LINGO1: variants seen among roughly 807,000 people sequenced by gnomAD.
LINGO1 encodes the protein leucine-rich repeat and immunoglobulin-like domain-containing nogo receptor-interacting protein 1.
LINGO1 carries 11 observed loss-of-function variants against 37.3 expected under a neutral mutation model. The ratio of observed to expected loss-of-function variants is 0.29; its 90% CI spans 0.19 to 0.49. The LOEUF (loss-of-function observed/expected upper bound fraction) is 0.49, where lower values mean the gene tolerates loss of function less well. Among genes scored for constraint, LINGO1 ranks in the 20% least tolerant of loss-of-function variants. The probability of loss-of-function intolerance (pLI) is 0.99; values close to 1 mark genes in which losing one functional copy is unlikely to be tolerated. For synonymous variants in LINGO1, 387 were observed against 403.0 expected (o/e 0.96, Z 0.48); for missense variants, 585 against 878.2 (o/e 0.67, Z 4.22).
chr15:77,614,395 G>T lies in LINGO1; in HGVS notation c.1512C>A (p.Gly504=). ...TYLCIAANAG[G]NDSMPAHLHV... ...GCAGGTGGGCGGGCATGGAGTCGTT[G>T]CCGCCCGCGTTGGCCGCGATGCACA... Residue 504 remains glycine (G), a synonymous_variant, in exon 2 of 2, where the codon GGC becomes GGA. Transcript: ENST00000355300. 6.2e-7 allele frequency: 1 copy of T among 1,613,270 alleles called. No individual in the cohort carries two copies. Among genetic ancestry groups the T allele is most frequent in the South Asian group, 1.1e-5 (1 of 91,076 alleles).
intron 1 of LINGO1, among the ~76,000 whole-genome samples, chr15:77,803,668 T>G (rs1226936739): frequency 6.6e-6 from 1 of 152,002 alleles, no homozygotes; most frequent in Admixed American, 6.6e-5. Context: ...TCTCAACAGA[T>G]CTGAGATCTG....
At chr15:77,814,005 C>G (rs934614300) in intron 1 of LINGO1, among the ~76,000 whole-genome samples, 7 of 152,064 alleles carry the variant, frequency 4.6e-5, no homozygotes, top group African/African-American at 1.7e-4. Flanking sequence ...GGAAGCCCCC[C>G]CAATCTCAGC....
intron 2 of LINGO1, among the ~76,000 whole-genome samples, chr15:77,683,715 CAGCAGTGGG>C (rs774123593): frequency 1.3e-5 from 2 of 152,080 alleles, no homozygotes; most frequent in Non-Finnish European, 2.9e-5. Flanking sequence ...ACCAGGCCAA[CAGCAGTGGG>C]ACATGGGCAG....
chr15:77,624,310 C>A (rs867313756), intron 1 of LINGO1, among the ~76,000 whole-genome samples: 1 of 152,008 alleles, frequency 6.6e-6, no homozygotes, highest in Non-Finnish European at 1.5e-5. Context: ...CACTCAGGTG[C>A]GCTTTGGGAA....
At position 77,731,124 on chromosome 15, in the gene LINGO1, C is replaced by T. The variant is rs542634773; in HGVS notation, c.-195+3868G>A. 1.4e-3 allele frequency among the ~76,000 whole-genome samples: 219 copies of T among 152,324 alleles called. 1 individual carries two copies. The highest frequency in any genetic ancestry group is 2.5e-3 in the Non-Finnish European group (168 of 68,028). On this transcript the variant is annotated intron_variant, in intron 2 of 3. Transcript: ENST00000561686. ...TTATTCCGGGTACCTTCCAGCCCCC[C>T]AGACACCCCTCCATCCTGGCAGGCA...
At chr15:77,764,652 A>T (rs2076509647) in intron 1 of LINGO1, among the ~76,000 whole-genome samples, 1 of 152,224 alleles carries the variant, frequency 6.6e-6, no homozygotes, top group Admixed American at 6.5e-5. Flanking sequence ...GTTGGTGGAC[A>T]GCTAAAAAGC....
At chr15:77,721,550 C>T (rs1003714158) in intron 2 of LINGO1, among the ~76,000 whole-genome samples, 4 of 152,230 alleles carry the variant, frequency 2.6e-5, no homozygotes, top group Non-Finnish European at 5.9e-5. Flanking sequence ...TTGTCACCTC[C>T]ATTCAACTAC....
At chr15:77,672,000 G>GCCGCCTCCTCCT (rs1344106118) in intron 3 of LINGO1, among the ~76,000 whole-genome samples, 58 of 145,676 alleles carry the variant, frequency 4.0e-4, no homozygotes, top group African/African-American at 1.5e-3. Context: ...ATGAGCCTCT[G>GCCGCCTCCTCCT]CCTCCTCCTC....
intron 2 of LINGO1, among the ~76,000 whole-genome samples, chr15:77,680,386 C>A (rs1046859696): frequency 6.6e-6 from 1 of 152,204 alleles, no homozygotes; most frequent in Non-Finnish European, 1.5e-5. Flanking sequence ...CCCCACTGCC[C>A]CTTTGGGGGC....
At chr15:77,690,899 T>G (rs2075591647) in exon 2 of LINGO1, 1 of 152,022 alleles carries the variant, frequency 6.6e-6, no homozygotes, top group Non-Finnish European at 1.5e-5. Flanking sequence ...GGTCATAAGA[T>G]CCCTAGAAAG....
intron 3 of LINGO1, among the ~76,000 whole-genome samples, chr15:77,650,619 C>T (rs1051103196): frequency 2.0e-5 from 3 of 152,164 alleles, no homozygotes; most frequent in Non-Finnish European, 4.4e-5. Context: ...GCAAGCCACA[C>T]CTGCAATGGG....
At chr15:77,681,213 T>C (rs2075407728) in intron 2 of LINGO1, among the ~76,000 whole-genome samples, 1 of 140,274 alleles carries the variant, frequency 7.1e-6, no homozygotes, top group African/African-American at 2.8e-5. Flanking sequence ...ATGGTACATT[T>C]GGTTATTTCT....
intron 1 of LINGO1, among the ~76,000 whole-genome samples, chr15:77,762,104 G>A (rs1394793658): frequency 1.3e-5 from 2 of 152,224 alleles, no homozygotes; most frequent in Admixed American, 1.3e-4. Flanking sequence ...AGAACAGCCT[G>A]AGGCTTCCTG....
At chr15:77,782,062 G>C (rs1012005732) in intron 1 of LINGO1, among the ~76,000 whole-genome samples, 5 of 152,240 alleles carry the variant, frequency 3.3e-5, no homozygotes, top group African/African-American at 1.2e-4. Context: ...ACGAGGAGCA[G>C]GTTCAGCTGT....
chr15:77,618,203 AG>A (rs1055717570), intron 1 of LINGO1, among the ~76,000 whole-genome samples: 2 of 152,156 alleles, frequency 1.3e-5, no homozygotes, highest in African/African-American at 4.8e-5. Flanking sequence ...CTGGGGAATG[AG>A]GGGGGCTAGT....
At chr15:77,812,077 T>C (rs902992983) in intron 1 of LINGO1, among the ~76,000 whole-genome samples, 5 of 152,208 alleles carry the variant, frequency 3.3e-5, no homozygotes, top group African/African-American at 7.2e-5. Flanking sequence ...ATCTCCTTTA[T>C]GTTGTTTCCC....
At chr15:77,634,767 C>A (rs948755822), upstream of LINGO1, among the ~76,000 whole-genome samples, 6 of 152,072 alleles carry the variant, frequency 3.9e-5, no homozygotes, top group South Asian at 2.1e-4. Context: ...CCAGCCCCCC[C>A]ACCCCGGCTG....
At chr15:77,675,701 AATAG>A (rs899835859) in intron 3 of LINGO1, among the ~76,000 whole-genome samples, 11 of 152,352 alleles carry the variant, frequency 7.2e-5, no homozygotes, top group African/African-American at 1.9e-4. Flanking sequence ...TAGACGGATG[AATAG>A]ATAGATAGAT....
intron 1 of LINGO1, among the ~76,000 whole-genome samples, chr15:77,621,137 C>T (rs2073905689): frequency 1.3e-5 from 2 of 151,842 alleles, no homozygotes; most frequent in South Asian, 2.1e-4. Flanking sequence ...TCACTGTGAC[C>T]TCCACCTCCC....
Sources: gnomAD v4.1 joint callset for allele counts (sites outside exome capture counted in the v4.1 genomes callset) on GRCh38, gnomAD v4.1.1 for gene constraint, MANE v1.5 for transcripts, NCBI Gene and HGNC (gene_info 2026-07-23, HGNC 2026-07-21) for gene names.